The following PLCB4 variants were observed in gnomAD, a reference collection of about 807,000 sequenced individuals.
The protein encoded by PLCB4 is 1-phosphatidylinositol 4,5-bisphosphate phosphodiesterase beta-4.
A neutral mutation model predicts 178.8 loss-of-function variants in PLCB4; 77 were observed. The observed-to-expected ratio is 0.43, with a 90% confidence interval of 0.36 to 0.52. The LOEUF is 0.52. Among genes scored for constraint, PLCB4 ranks in the 20% least tolerant of loss-of-function variants. The pLI, the probability that PLCB4 is intolerant of heterozygous loss-of-function variation, is 0.00. For missense variants in PLCB4, 1,024 were observed against 1,453.4 expected, an observed-to-expected ratio of 0.70 and a Z score of 4.80; for synonymous variants, 496 against 490.8, an observed-to-expected ratio of 1.01 and a Z score of -0.14.
intron 2 of PLCB4, among the ~76,000 whole-genome samples, chr20:9,193,156 G>A (rs543036034): frequency 6.6e-6 from 1 of 152,344 alleles, no homozygotes; most frequent in South Asian, 2.1e-4. Context: ...GCTATCTTGG[G>A]TTCCTTGTGA....
At chr20:9,326,643 A>G (rs1568591630) in intron 4 of PLCB4, among the ~76,000 whole-genome samples, 1 of 152,092 alleles carries the variant, frequency 6.6e-6, no homozygotes, top group Non-Finnish European at 1.5e-5. Flanking sequence ...TCTTCTGTTC[A>G]CTATACCCCA....
At chr20:9,403,423 GTT>G (rs2039192499) in intron 20 of PLCB4, among the ~76,000 whole-genome samples, 2 of 152,094 alleles carry the variant, frequency 1.3e-5, no homozygotes, top group Non-Finnish European at 2.9e-5. Flanking sequence ...AGAGAACAGT[GTT>G]AACAGAAGGA....
chr20:9,423,353 A>T (rs1340193193), intron 27 of PLCB4, among the ~76,000 whole-genome samples: 2 of 152,244 alleles, frequency 1.3e-5, no homozygotes, highest in Non-Finnish European at 2.9e-5. Flanking sequence ...TGTCAGCAAT[A>T]TGCCAGATAT....
intron 24 of PLCB4, among the ~76,000 whole-genome samples, chr20:9,409,725 AAGTGTACTCAAAGTCAG>A (rs1483225909): frequency 2.6e-5 from 4 of 152,210 alleles, no homozygotes; most frequent in African/African-American, 7.2e-5. Flanking sequence ...TGGTCCTCCA[AAGTGTACTCAAAGTCAG>A]GTTTCCAATA....
intron 3 of PLCB4, among the ~76,000 whole-genome samples, chr20:9,271,571 G>A (rs1344190160): frequency 2.0e-5 from 3 of 152,102 alleles, no homozygotes; most frequent in South Asian, 2.1e-4. Context: ...TGAATTATGT[G>A]CATCTATAAT....
At chr20:9,178,324 AAAATAAAT>A (rs554487266) in intron 2 of PLCB4, among the ~76,000 whole-genome samples, 1 of 152,198 alleles carries the variant, frequency 6.6e-6, no homozygotes, top group Non-Finnish European at 1.5e-5. Flanking sequence ...TTTGTCTCAA[AAAATAAAT>A]AAATAAATAA....
chr20:9,444,150 T>C (rs775935334), intron 31 of PLCB4, 28 bp from the exon 32 acceptor site: 35 of 1,542,424 alleles, frequency 2.3e-5, no homozygotes, highest in African/African-American at 2.8e-5. Context: ...ACAAAAAACC[T>C]ATTTTTGATT....
chr20:9,208,162 C>G (rs2093634629), intron 2 of PLCB4, among the ~76,000 whole-genome samples: 1 of 152,158 alleles, frequency 6.6e-6, no homozygotes, highest in South Asian at 2.1e-4. Flanking sequence ...AGACAGTTGC[C>G]TTAAGAGGAA....
intron 2 of PLCB4, among the ~76,000 whole-genome samples, chr20:9,150,468 T>A (rs1460896121): frequency 6.6e-6 from 1 of 152,222 alleles, no homozygotes; most frequent in Non-Finnish European, 1.5e-5. Context: ...TGTCTTTAAA[T>A]ATGGCTTACC....
chr20:9,461,515 G>A (rs764219974), intron 35 of PLCB4, among the ~76,000 whole-genome samples: 11 of 152,200 alleles, frequency 7.2e-5, no homozygotes, highest in East Asian at 1.9e-4. Context: ...AAAGGAAGCC[G>A]TGACAGACTG....
chr20:9,471,196 TA>T (rs752136137), intron 36 of PLCB4, among the ~76,000 whole-genome samples: 116 of 152,240 alleles, frequency 7.6e-4, no homozygotes, highest in Non-Finnish European at 1.2e-3. Context: ...ATATATTTTT[TA>T]AAAGATGTGA....
intron 32 of PLCB4, among the ~76,000 whole-genome samples, chr20:9,445,700 C>T (rs1306479428): frequency 6.6e-6 from 1 of 152,128 alleles, no homozygotes; most frequent in Non-Finnish European, 1.5e-5. Context: ...AGTGAAATTC[C>T]TTACATTGCT....
intron 6 of PLCB4, 64 bp from the exon 7 acceptor site, chr20:9,338,830 C>T (rs940997603): frequency 1.3e-5 from 16 of 1,268,404 alleles, no homozygotes; most frequent in African/African-American, 4.5e-5. Flanking sequence ...CTTTTTACCA[C>T]GTTTCTTCCT....
At chr20:9,426,303 G>C (rs576846624) in intron 28 of PLCB4, among the ~76,000 whole-genome samples, 2 of 152,126 alleles carry the variant, frequency 1.3e-5, no homozygotes, top group Non-Finnish European at 2.9e-5. Flanking sequence ...GAACACAGAG[G>C]ATCAAATGAG....
chr20:9,101,028 A>G (rs76630613), intron 2 of PLCB4, among the ~76,000 whole-genome samples: 3 of 152,032 alleles, frequency 2.0e-5, no homozygotes, highest in African/African-American at 4.8e-5. Flanking sequence ...TTCATATTTC[A>G]TGATAATTGG....
intron 9 of PLCB4, among the ~76,000 whole-genome samples, chr20:9,366,488 T>C: frequency 6.6e-6 from 1 of 152,028 alleles, no homozygotes. Flanking sequence ...CTTTAATACT[T>C]AAGTGGACAG....
chr20:9,319,090 C>T (rs1286545614), intron 4 of PLCB4, among the ~76,000 whole-genome samples: 1 of 152,140 alleles, frequency 6.6e-6, no homozygotes, highest in Non-Finnish European at 1.5e-5. Context: ...GAATTGCACT[C>T]TCTTAATGCA....
rs553075500 is a variant in PLCB4 at position 9,187,903 on chromosome 20, T to C, written c.-78-29487T>C. ...CATTTTGCGTTCATTTGGGAATTAT[T>C]CTTATAGGTCTCTCAGTTTTAATAC... On this transcript the variant is annotated intron_variant, in intron 2 of 39. Coordinates refer to ENST00000378473, the MANE Select transcript of PLCB4 (RefSeq NM_001377142.1). Among the ~76,000 whole-genome samples the C allele has an allele frequency of 6.2e-4, 95 of 152,362 alleles. 1 individual carries two copies. In the South Asian group the frequency reaches 0.017, roughly 27 times the overall value.
chr20:9,374,093 T>A (rs913752217), intron 12 of PLCB4, among the ~76,000 whole-genome samples: 1 of 152,200 alleles, frequency 6.6e-6, no homozygotes, highest in Admixed American at 6.5e-5. Context: ...TGCCACTTCA[T>A]AGAGACAAAT....
Sources: allele counts gnomAD v4.1 joint callset (sites outside exome capture counted in the v4.1 genomes callset), GRCh38; gene constraint gnomAD v4.1.1; transcripts MANE v1.5; gene names NCBI Gene and HGNC (gene_info 2026-07-23, HGNC 2026-07-21).